The following UNC5C variants were observed in gnomAD, a reference collection of about 807,000 sequenced individuals.
The protein encoded by UNC5C is unc-5 netrin receptor C, also known as netrin receptor UNC5C.
Under a neutral mutation model 99.8 loss-of-function variants are expected in UNC5C, and 47 were observed. The observed-to-expected ratio is 0.47, with a 90% CI of 0.37 to 0.60. The LOEUF is 0.60. UNC5C is among the 20% of genes least tolerant of loss of function. The probability of loss-of-function intolerance (pLI) is 0.00; values close to 1 mark genes in which losing one functional copy is unlikely to be tolerated. For synonymous variants in UNC5C, 487 were observed against 452.2 expected (o/e 1.08, Z -0.98); for missense variants, 1,062 against 1,165.9 (o/e 0.91, Z 1.30).
At chr4:95,268,135 G>A (rs1199478016) in intron 4 of UNC5C, among the ~76,000 whole-genome samples, 2 of 151,628 alleles carry the variant, frequency 1.3e-5, no homozygotes, top group Non-Finnish European at 2.9e-5. Context: ...ATTTTTTTTA[G>A]TAGAGACGGG....
At chr4:95,331,740 T>C (rs1743120705) in intron 2 of UNC5C, among the ~76,000 whole-genome samples, 1 of 152,140 alleles carries the variant, frequency 6.6e-6, no homozygotes, top group Admixed American at 6.6e-5. Context: ...TTATGTACAA[T>C]TATAAAAAAT....
At position 95,533,300 on chromosome 4, in the gene UNC5C, G is replaced by A. The variant is rs182141945; in HGVS notation, c.124+15434C>T. 9.9e-5 allele frequency among the ~76,000 whole-genome samples: 15 copies of A among 152,042 alleles called. No homozygotes were observed. In the East Asian group the frequency reaches 2.9e-3, roughly 29 times the overall value. ...TGTAATGCCAGCGACTTGGGAGGCCGAGGAAGAATTGCTTGAAACCGGAAG... is the reference window on the plus strand; with the variant it reads ...TGTAATGCCAGCGACTTGGGAGGCCAAGGAAGAATTGCTTGAAACCGGAAG... On this transcript the variant is annotated intron_variant, in intron 1 of 15. Coordinates refer to ENST00000453304, the MANE Select transcript of UNC5C (RefSeq NM_003728.4).
intron 1 of UNC5C, among the ~76,000 whole-genome samples, chr4:95,463,648 G>A (rs1747677723): frequency 1.3e-5 from 2 of 151,982 alleles, no homozygotes; most frequent in African/African-American, 4.8e-5. Context: ...AAAATAGTAG[G>A]GTATTTTAAT....
chr4:95,478,276 C>T (rs1033908309), intron 1 of UNC5C, among the ~76,000 whole-genome samples: 1 of 151,860 alleles, frequency 6.6e-6, no homozygotes, highest in Middle Eastern at 3.2e-3. Flanking sequence ...CTGTGTGCCT[C>T]GGTTGTCTCT....
At chr4:95,291,467 G>C (rs1741447429) in intron 3 of UNC5C, among the ~76,000 whole-genome samples, 1 of 152,138 alleles carries the variant, frequency 6.6e-6, no homozygotes, top group African/African-American at 2.4e-5. Context: ...TGTCCAGTGT[G>C]TTACCAGCCC....
At chr4:95,371,379 C>A (rs1484627438) in intron 1 of UNC5C, among the ~76,000 whole-genome samples, 1 of 145,164 alleles carries the variant, frequency 6.9e-6, no homozygotes, top group Non-Finnish European at 1.5e-5. Flanking sequence ...ATTTGCTGAA[C>A]CTACAGCTAT....
intron 1 of UNC5C, among the ~76,000 whole-genome samples, chr4:95,410,157 C>T (rs371292030): frequency 1.2e-3 from 177 of 152,220 alleles, no homozygotes; most frequent in African/African-American, 4.2e-3. Context: ...GGGTATTACT[C>T]CTTCTTCTTT....
chr4:95,273,305 T>C (rs139982040), intron 4 of UNC5C, among the ~76,000 whole-genome samples: 522 of 152,332 alleles, frequency 3.4e-3, no homozygotes, highest in Non-Finnish European at 4.3e-3. Context: ...TCACAGGTTT[T>C]AGAGAAAAAT....
chr4:95,545,315 T>C (rs1159569802), intron 1 of UNC5C, among the ~76,000 whole-genome samples: 1 of 152,224 alleles, frequency 6.6e-6, no homozygotes, highest in Non-Finnish European at 1.5e-5. Flanking sequence ...TTAAGCATTC[T>C]CTAAGCTAGA....
intron 1 of UNC5C, among the ~76,000 whole-genome samples, chr4:95,417,008 C>A (rs1419548262): frequency 6.6e-6 from 1 of 152,106 alleles, no homozygotes; most frequent in Non-Finnish European, 1.5e-5. Flanking sequence ...AAGGTAGATT[C>A]TATGACAATT....
chr4:95,328,040 C>CTTTTTTTTTTTTTTTTTTTTTTTTTTTTT (rs34794058), intron 2 of UNC5C, among the ~76,000 whole-genome samples: 3 of 87,088 alleles, frequency 3.4e-5, no homozygotes, highest in Non-Finnish European at 4.4e-5. Context: ...CAGGCAACTT[C>CTTTTTTTTTTTTTTTTTTTTTTTTTTTTT]TTTTTTTTTT....
At chr4:95,289,253 G>C (rs1277746202) in intron 3 of UNC5C, among the ~76,000 whole-genome samples, 2 of 152,162 alleles carry the variant, frequency 1.3e-5, no homozygotes, top group East Asian at 3.8e-4. Context: ...AGAGTTGATG[G>C]TTGTACTGAT....
At chr4:95,238,342 TTA>T (rs1227132872) in intron 7 of UNC5C, among the ~76,000 whole-genome samples, 1 of 152,188 alleles carries the variant, frequency 6.6e-6, no homozygotes, top group Non-Finnish European at 1.5e-5. Flanking sequence ...CATTCAATTT[TTA>T]TGTGTGTACT....
At chr4:95,317,507 A>G (rs1377532587) in intron 2 of UNC5C, among the ~76,000 whole-genome samples, 1 of 152,126 alleles carries the variant, frequency 6.6e-6, no homozygotes, top group African/African-American at 2.4e-5. Flanking sequence ...TGTATTGGCT[A>G]TTTTGGTTTG....
At chr4:95,470,513 G>A (rs1338236228) in intron 1 of UNC5C, among the ~76,000 whole-genome samples, 1 of 152,072 alleles carries the variant, frequency 6.6e-6, no homozygotes, top group Non-Finnish European at 1.5e-5. Flanking sequence ...GCCTTGGAAG[G>A]GGCAGCCCAC....
At chr4:95,340,698 A>G (rs552486710) in intron 1 of UNC5C, among the ~76,000 whole-genome samples, 3 of 152,254 alleles carry the variant, frequency 2.0e-5, no homozygotes, top group East Asian at 3.9e-4. Flanking sequence ...TTGCCAAATC[A>G]TGCCCATACA....
At chr4:95,321,057 C>T (rs1273220943) in intron 2 of UNC5C, among the ~76,000 whole-genome samples, 4 of 152,080 alleles carry the variant, frequency 2.6e-5, no homozygotes, top group Admixed American at 1.3e-4. Context: ...CTTTACTTTG[C>T]AATCATGTTC....
chr4:95,170,208 G>C lies in UNC5C; in HGVS notation c.2576C>G (p.Pro859Arg). 2 of 1,614,146 alleles carry C rather than the reference G, an allele frequency of 1.2e-6. No individual in the cohort carries two copies. The highest frequency in any genetic ancestry group is 1.7e-6 in the Non-Finnish European group (2 of 1,180,022). Residue 859 changes from proline (P) to arginine (R), a missense_variant, in exon 15 of 16, where the codon CCC becomes CGC. By Grantham distance (103) the Pro-to-Arg change is moderately radical. Transcript: ENST00000453304. ...RQKLCSSLDA[P>R]QTRGHDWRML... ...CCTCCAGTCATGGCCTCTCGTCTGG[G>C]GGGCATCCAGGCTGCTACAGAGCTT...
chr4:95,375,844 A>G (rs2621454), intron 1 of UNC5C, among the ~76,000 whole-genome samples: 148,055 of 151,764 alleles, frequency 0.98, 72,219 homozygotes, highest in East Asian at 1. Flanking sequence ...TTGGGAGGCC[A>G]AGGCAGGTAG....
Sources: gnomAD v4.1 joint callset for allele counts (sites outside exome capture counted in the v4.1 genomes callset) on GRCh38, gnomAD v4.1.1 for gene constraint, MANE v1.5 for transcripts, NCBI Gene and HGNC (gene_info 2026-07-23, HGNC 2026-07-21) for gene names.